Variants in SGCD observed in about 807,000 individuals in gnomAD.
The protein encoded by SGCD is sarcoglycan delta.
In SGCD, 18 loss-of-function variants were observed where a neutral mutation model predicts 36.6. The ratio of observed to expected loss-of-function variants is 0.49; its 90% CI spans 0.34 to 0.73. The LOEUF (loss-of-function observed/expected upper bound fraction) is 0.73, where lower values mean the gene tolerates loss of function less well. SGCD is among the 30% of genes least tolerant of loss of function. The pLI, the probability that SGCD is intolerant of heterozygous loss-of-function variation, is 0.01. For synonymous variants in SGCD, 133 were observed against 130.6 expected (o/e 1.02, Z -0.12); for missense variants, 387 against 346.7 (o/e 1.12, Z -0.92).
chr5:156,447,144 T>C (rs1394179360), intron 3 of SGCD, among the ~76,000 whole-genome samples: 1 of 152,162 alleles, frequency 6.6e-6, no homozygotes, highest in African/African-American at 2.4e-5. Context: ...TTCTGTAGAA[T>C]TACAGAACAG....
intron 1 of SGCD, among the ~76,000 whole-genome samples, chr5:155,889,339 G>GT (rs1483924157): frequency 4.0e-5 from 6 of 151,836 alleles, no homozygotes; most frequent in East Asian, 3.9e-4. Context: ...TTGGTTATAT[G>GT]TTTTTTTAAA....
In SGCD at chr5:156,237,066, C is replaced by G. The variant is rs1224650883; in HGVS notation, c.-43-92468C>G. Among the ~76,000 whole-genome samples, 6 of 149,922 alleles carry G rather than the reference C, an allele frequency of 4.0e-5. 1 individual carries two copies. In the East Asian group the frequency reaches 1.2e-3, roughly 31 times the overall value. Reference sequence around the variant, plus strand: ...GCCAGGCTGGTCTTGAACCCCTGACCTCAGTTGATTCATGTGCCTTGGCCT... The same window carrying G: ...GCCAGGCTGGTCTTGAACCCCTGACGTCAGTTGATTCATGTGCCTTGGCCT... On this transcript the variant is annotated intron_variant, in intron 3 of 9. Transcript: ENST00000517913.
intron 3 of SGCD, among the ~76,000 whole-genome samples, chr5:156,467,085 T>C (rs141698069): frequency 6.6e-6 from 1 of 152,214 alleles, no homozygotes; most frequent in Non-Finnish European, 1.5e-5. Flanking sequence ...GTTAATGTAG[T>C]GTGAAAGCAT....
intron 3 of SGCD, among the ~76,000 whole-genome samples, chr5:156,229,277 C>CACACATATATATATATATAT (rs1554085595): frequency 6.2e-4 from 35 of 56,470 alleles, no homozygotes; most frequent in East Asian, 4.3e-3. Flanking sequence ...TATATACATA[C>CACACATATATATATATATAT]ATATATATAT....
At chr5:156,329,889 C>T (rs949814574) in intron 2 of SGCD, among the ~76,000 whole-genome samples, 3 of 151,630 alleles carry the variant, frequency 2.0e-5, no homozygotes, top group East Asian at 2.0e-4. Flanking sequence ...TGGTGGTGGG[C>T]GCCCGTAGTC....
intron 7 of SGCD, among the ~76,000 whole-genome samples, chr5:156,681,282 C>T (rs894826418): frequency 6.6e-6 from 1 of 152,166 alleles, no homozygotes; most frequent in Non-Finnish European, 1.5e-5. Context: ...GGTGATCTCT[C>T]CCAGAAGCCC....
At chr5:156,732,538 A>G (rs570755116) in intron 7 of SGCD, among the ~76,000 whole-genome samples, 1 of 152,118 alleles carries the variant, frequency 6.6e-6, no homozygotes, top group Non-Finnish European at 1.5e-5. Context: ...ATGTTCATCA[A>G]AGATATTGGC....
At chr5:156,070,876 A>C (rs1459440699) in intron 1 of SGCD, among the ~76,000 whole-genome samples, 1 of 152,200 alleles carries the variant, frequency 6.6e-6, no homozygotes, top group African/African-American at 2.4e-5. Context: ...GTATGTGATG[A>C]GGAATTTATC....
the SGCD span, among the ~76,000 whole-genome samples, chr5:155,782,288 G>A: frequency 6.6e-6 from 1 of 151,986 alleles, no homozygotes; most frequent in African/African-American, 2.4e-5. Context: ...ACTTCTCAAA[G>A]TGCTGGGATT....
At position 156,763,972 on chromosome 5, in the gene SGCD, C is replaced by G. The variant is rs977137427; in HGVS notation, c.*4582C>G. On this transcript the variant is annotated 3_prime_UTR_variant, in exon 9 of 9. Coordinates refer to ENST00000337851, the MANE Select transcript of SGCD (RefSeq NM_000337.6). ...GACCAAAAAGGTAAATAGATCCATT[C>G]CAGCACCTGATACTGATTTTTCAAG... is the stretch of plus-strand genomic sequence containing the variant. 2.0e-5 allele frequency: 3 copies of G among 152,034 alleles called. No individual in the cohort carries two copies. The highest frequency in any genetic ancestry group is 7.2e-5 in the African/African-American group (3 of 41,388). The allele number at this position is 152,034 out of a possible 1,614,324, so 9.4% of individuals were successfully genotyped here. A position where few individuals can be genotyped will look rare whatever the true frequency, so the allele number is the denominator to read the frequency against.
intron 3 of SGCD, among the ~76,000 whole-genome samples, chr5:156,380,827 T>C (rs1427228692): frequency 6.6e-6 from 1 of 152,192 alleles, no homozygotes; most frequent in Non-Finnish European, 1.5e-5. Flanking sequence ...TGGTTTGCAT[T>C]TTAATTTGAA....
intron 3 of SGCD, among the ~76,000 whole-genome samples, chr5:156,226,718 G>A (rs1469627309): frequency 1.3e-5 from 2 of 151,952 alleles, no homozygotes; most frequent in Non-Finnish European, 2.9e-5. Context: ...TGCCAACAGG[G>A]ATGTAGTAGA....
At chr5:155,938,954 T>C (rs1222895567) in intron 1 of SGCD, among the ~76,000 whole-genome samples, 1 of 152,220 alleles carries the variant, frequency 6.6e-6, no homozygotes. Flanking sequence ...TCATCAGCAT[T>C]ACCATTATCA....
chr5:156,506,628 A>C (rs1756710363), intron 3 of SGCD, among the ~76,000 whole-genome samples: 1 of 152,210 alleles, frequency 6.6e-6, no homozygotes, highest in Non-Finnish European at 1.5e-5. Context: ...GTCAACTGGA[A>C]AAAAACCCTT....
chr5:156,663,693 G>T (rs1448324344), intron 7 of SGCD, among the ~76,000 whole-genome samples: 3 of 147,086 alleles, frequency 2.0e-5, no homozygotes, highest in African/African-American at 7.8e-5. Flanking sequence ...GTCCCCTCAG[G>T]CAGTGGGCCA....
At chr5:156,144,285 T>C (rs1303956058) in intron 3 of SGCD, among the ~76,000 whole-genome samples, 4 of 152,048 alleles carry the variant, frequency 2.6e-5, no homozygotes, top group Admixed American at 6.6e-5. Flanking sequence ...ATGGTATTTC[T>C]AGTTCTAGAT....
intron 4 of SGCD, among the ~76,000 whole-genome samples, chr5:156,583,997 T>C (rs1760389739): frequency 6.6e-6 from 1 of 152,054 alleles, no homozygotes; most frequent in South Asian, 2.1e-4. Flanking sequence ...ATATATAGAA[T>C]GAACTAGGAA....
chr5:156,632,554 C>G (rs993846882), intron 6 of SGCD, among the ~76,000 whole-genome samples: 1 of 152,072 alleles, frequency 6.6e-6, no homozygotes, highest in Non-Finnish European at 1.5e-5. Flanking sequence ...CCTGTCTTTT[C>G]TTCATAGCTA....
chr5:155,969,664 G>A (rs1757970964), intron 1 of SGCD, among the ~76,000 whole-genome samples: 1 of 152,112 alleles, frequency 6.6e-6, no homozygotes, highest in Admixed American at 6.6e-5. Context: ...ACCTGCAATA[G>A]CTCACTGTTT....
Sources: allele counts gnomAD v4.1 joint callset (sites outside exome capture counted in the v4.1 genomes callset), GRCh38; gene constraint gnomAD v4.1.1; transcripts MANE v1.5; gene names NCBI Gene and HGNC (gene_info 2026-07-23, HGNC 2026-07-21).